The following CFAP44 variants were observed in gnomAD, a reference collection of about 807,000 sequenced individuals.
CFAP44 encodes the protein cilia and flagella associated protein 44.
Under a neutral mutation model 216.2 loss-of-function variants are expected in CFAP44, and 134 were observed. That is an observed-to-expected ratio of 0.62 (90% CI 0.54 to 0.72). The LOEUF (loss-of-function observed/expected upper bound fraction) is 0.72. CFAP44 is among the 30% of genes least tolerant of loss of function. The pLI is 0.00. For missense variants in CFAP44, 2,035 were observed against 2,182.1 expected (o/e 0.93, Z 1.34); for synonymous variants, 700 against 727.6 (o/e 0.96, Z 0.61).
chr3:113,358,730 G>C lies in CFAP44; in HGVS notation c.3065+15C>G. ...GCTCTCAAACATCTTAGCTTGTAGA[G>C]AATATGGATCCTACCGATTCTTTAG... On this transcript the variant is annotated intron_variant, in intron 22 of 34. Transcript: ENST00000393845. 1 of 1,536,068 alleles carries C rather than the reference G, an allele frequency of 6.5e-7. No homozygotes were observed. The highest frequency in any genetic ancestry group is 8.7e-7 in the Non-Finnish European group (1 of 1,146,138).
chr3:113,306,498 A>G (rs912507028), intron 29 of CFAP44, among the ~76,000 whole-genome samples, 167 bp from the exon 30 acceptor site: 3 of 152,202 alleles, frequency 2.0e-5, no homozygotes, highest in Non-Finnish European at 4.4e-5. Flanking sequence ...AATTATTAGT[A>G]TTACTAATAA....
intron 15 of CFAP44, among the ~76,000 whole-genome samples, chr3:113,387,079 C>A (rs993623474): frequency 6.6e-6 from 1 of 152,286 alleles, no homozygotes; most frequent in East Asian, 1.9e-4. Context: ...AAGTGCTCTG[C>A]GATCCTAAAT....
At chr3:113,352,353 C>A (rs1950453215) in intron 22 of CFAP44, among the ~76,000 whole-genome samples, 1 of 152,160 alleles carries the variant, frequency 6.6e-6, no homozygotes, top group Middle Eastern at 3.2e-3. Flanking sequence ...TGTTCTTTCG[C>A]TCTTCACAAT....
In CFAP44 at chr3:113,344,741, A is replaced by C. The variant is rs1409579541; in HGVS notation, c.3066-29T>G. On this transcript the variant is annotated intron_variant, in intron 22 of 34. Transcript: ENST00000393845. ...AAAAAATAAAACAAGTATTTGCAGT[A>C]GTCACCATTTTGATCATTCTGCATA... 3 of 1,474,242 alleles carry C rather than the reference A, an allele frequency of 2.0e-6. No individual in the cohort carries two copies. The East Asian group carries it at 7.5e-5, about 37-fold the overall frequency. The allele number at this position is 1,474,242 out of a possible 1,614,324, so 91.3% of individuals were successfully genotyped here.
intron 24 of CFAP44, 90 bp downstream of exon 24, chr3:113,341,654 A>G: frequency 8.0e-7 from 1 of 1,251,434 alleles, no homozygotes. Context: ...TTAAATGATA[A>G]CAATGTCAAT....
chr3:113,358,925 T>A, intron 21 of CFAP44, 50 bp from the exon 22 acceptor site: 1 of 1,492,840 alleles, frequency 6.7e-7, no homozygotes, highest in African/African-American at 1.4e-5. Flanking sequence ...ATCAACTCTG[T>A]TTCATATATT....
chr3:113,415,087 TTG>T (rs570839145), intron 6 of CFAP44, among the ~76,000 whole-genome samples: 61 of 152,314 alleles, frequency 4.0e-4, no homozygotes, highest in Middle Eastern at 3.4e-3. Flanking sequence ...TGGTTTAGCC[TTG>T]GTAGGGTGTA....
intron 18 of CFAP44, among the ~76,000 whole-genome samples, chr3:113,367,934 G>A (rs969609881): frequency 1.3e-5 from 2 of 152,244 alleles, no homozygotes; most frequent in African/African-American, 4.8e-5. Context: ...CGAGAACTTC[G>A]TGACGCATGC....
At chr3:113,420,276 G>A (rs1410151038) in intron 4 of CFAP44, 97 bp from the exon 5 acceptor site, 1 of 1,228,326 alleles carries the variant, frequency 8.1e-7, no homozygotes. Context: ...ACTCTTAGAT[G>A]AAGATGTGAG....
chr3:113,340,553 G>A, intron 24 of CFAP44, among the ~76,000 whole-genome samples: 1 of 152,112 alleles, frequency 6.6e-6, no homozygotes, highest in East Asian at 1.9e-4. Context: ...TGTCCCCCTC[G>A]CAGGGTGTGC....
intron 19 of CFAP44, among the ~76,000 whole-genome samples, chr3:113,365,609 A>G (rs960438555): frequency 1.3e-5 from 2 of 152,178 alleles, no homozygotes; most frequent in Admixed American, 1.3e-4. Context: ...TCACATTCTA[A>G]TACTAAAAAC....
At chr3:113,419,177 T>C (rs1934737729) in intron 5 of CFAP44, among the ~76,000 whole-genome samples, 1 of 152,214 alleles carries the variant, frequency 6.6e-6, no homozygotes, top group Non-Finnish European at 1.5e-5. Flanking sequence ...ACCTCAGGGC[T>C]CCTGAAACCT....
At chr3:113,330,706 C>T (rs1402882255) in intron 25 of CFAP44, 38 bp from the exon 26 acceptor site, 8 of 1,493,102 alleles carry the variant, frequency 5.4e-6, no homozygotes, top group Non-Finnish European at 7.1e-6. Context: ...CAGTACAACC[C>T]TCTGACAAAT....
intron 28 of CFAP44, among the ~76,000 whole-genome samples, chr3:113,312,238 A>ATTTTTTTTTTTTTTT (rs769734983): frequency 2.6e-4 from 34 of 130,684 alleles, no homozygotes; most frequent in East Asian, 1.8e-3. Flanking sequence ...TGCCTGGCTA[A>ATTTTTTTTTTTTTTT]TTTTTTTTTT....
rs140312239 is a variant in CFAP44, at chr3:113,313,796, C to A, written c.4517-5528G>T. 1.7e-4 allele frequency among the ~76,000 whole-genome samples: 26 copies of A among 152,336 alleles called. No individual in the cohort carries two copies. The East Asian group carries it at 5.0e-3, about 29-fold the overall frequency. ...TGTAAGAAGTGCCTTTTGCCTCCCA[C>A]CATGATTCTGAGGCATCCCCAGCCA... On this transcript the variant is annotated intron_variant, in intron 28 of 34. Transcript: ENST00000393845.
At chr3:113,427,092 A>T in intron 3 of CFAP44, 95 bp downstream of exon 3, 2 of 1,330,084 alleles carry the variant, frequency 1.5e-6, no homozygotes, top group East Asian at 4.7e-5. Context: ...TACATCCTGC[A>T]CATTTTTCTT....
intron 21 of CFAP44, among the ~76,000 whole-genome samples, chr3:113,361,519 G>C: frequency 6.8e-6 from 1 of 147,866 alleles, no homozygotes; most frequent in Non-Finnish European, 1.5e-5. Flanking sequence ...TTTTGAGATG[G>C]AGTCTCACTC....
chr3:113,350,960 C>T (rs1020747102), intron 22 of CFAP44, among the ~76,000 whole-genome samples: 1 of 152,144 alleles, frequency 6.6e-6, no homozygotes, highest in Non-Finnish European at 1.5e-5. Context: ...AGGAGGAACT[C>T]CCTTCAGGAC....
chr3:113,399,908 T>G lies in CFAP44; in HGVS notation c.1567A>C (p.Met523Leu). 6.3e-7 allele frequency: 1 copy of G among 1,577,354 alleles called. No individual in the cohort carries two copies. The highest frequency in any genetic ancestry group is 1.2e-5 in the South Asian group (1 of 82,586). The change falls in exon 13 of 35, where the codon ATG (methionine) becomes CTG (leucine). Residue 523 changes from methionine to leucine, a missense_variant and splice_region_variant. This residue lies in a region of CFAP44 where 1,883 missense variants were observed against 2,023.7 expected (regional missense o/e 0.93). Transcript: ENST00000393845. ...GGTALVWVPR[M>L]VNFTGAQIIV... The stretch of plus-strand genomic sequence containing the variant: ...GTTCATTATAACAACAAACTTACCA[T>G]TCGGGGTACCCAAACAAGGGCAGTA...
Sources: allele counts gnomAD v4.1 joint callset (sites outside exome capture counted in the v4.1 genomes callset), GRCh38; gene constraint gnomAD v4.1.1; regional missense constraint gnomAD v4.1.1; transcripts MANE v1.5; gene names NCBI Gene and HGNC (gene_info 2026-07-23, HGNC 2026-07-21).